Variants in VPS13D observed in about 807,000 individuals in gnomAD.
VPS13D encodes intermembrane lipid transfer protein VPS13D.
Under a neutral mutation model 461.9 loss-of-function variants are expected in VPS13D, and 187 were observed. That is an observed-to-expected ratio of 0.40 (90% CI 0.36 to 0.46). The LOEUF is 0.46. Among genes scored for constraint, VPS13D ranks in the 20% least tolerant of loss-of-function variants. VPS13D has a pLI of 0.60. For missense variants in VPS13D, 4,711 were observed against 5,364.9 expected (o/e 0.88, Z 3.81); for synonymous variants, 1,951 against 1,986.3 (o/e 0.98, Z 0.47).
At chr1:12,247,965 G>A (rs1025961353) in intron 5 of VPS13D, among the ~76,000 whole-genome samples, 2 of 150,744 alleles carry the variant, frequency 1.3e-5, no homozygotes, top group African/African-American at 4.9e-5. Flanking sequence ...CCGGCTCACT[G>A]CAAACTCCGC....
chr1:12,388,432 G>A (rs1199221825), intron 60 of VPS13D, among the ~76,000 whole-genome samples: 2 of 152,054 alleles, frequency 1.3e-5, no homozygotes, highest in African/African-American at 2.4e-5. Context: ...AAATTAGCCA[G>A]GTGTGGTGGC....
intron 16 of VPS13D, among the ~76,000 whole-genome samples, chr1:12,269,454 A>G (rs72864994): frequency 0.066 from 10,098 of 152,282 alleles, 547 homozygotes; most frequent in Admixed American, 0.14. Context: ...ACTGAAAAGC[A>G]ATGATCTCCA....
chr1:12,474,363 T>C (rs1031067189), intron 67 of VPS13D, among the ~76,000 whole-genome samples: 1 of 152,072 alleles, frequency 6.6e-6, no homozygotes, highest in African/African-American at 2.4e-5. Context: ...TATTTAAGGG[T>C]TTTAAATTGT....
intron 10 of VPS13D, among the ~76,000 whole-genome samples, chr1:12,258,693 C>T (rs767883669): frequency 2.0e-5 from 3 of 152,184 alleles, no homozygotes; most frequent in African/African-American, 4.8e-5. Flanking sequence ...TTGGGGATTG[C>T]TTTGCTTCTT....
Position 12,277,460 on chromosome 1 carries a change from T to C in VPS13D, c.3872T>C (p.Leu1291Ser). The C allele has an allele frequency of 2.5e-6, 4 of 1,614,182 alleles. No individual in the cohort carries two copies. The highest frequency in any genetic ancestry group is 1.7e-5 in the Admixed American group (1 of 60,018). ...ECFLNLKMAS[L>S]HYNHSAKFLK... Reference sequence around the variant, plus strand: ...TTTCTCAACCTGAAGATGGCTTCTTTACATTATAACCACTCTGCTAAGTTT... The same window carrying C: ...TTTCTCAACCTGAAGATGGCTTCTTCACATTATAACCACTCTGCTAAGTTT... Residue 1291 changes from leucine to serine, a missense_variant, in exon 19 of 70, where the codon TTA (leucine) becomes TCA (serine). By Grantham distance (145) the Leu-to-Ser change is moderately radical (BLOSUM62 -2). Around this residue, in one of 3 missense-constraint regions of VPS13D, gnomAD observed 4,411 missense variants for 4,937.8 expected, o/e 0.89. Transcript: ENST00000620676.
rs1187657912 is a variant in VPS13D, at chr1:12,463,075, AAAC to A, written c.12662+2691_12662+2693del. 1.7e-3 allele frequency among the ~76,000 whole-genome samples: 263 copies of A among 152,290 alleles called. 1 individual carries two copies. Among genetic ancestry groups the A allele is most frequent in the Non-Finnish European group, 2.8e-3 (192 of 68,016 alleles). Reference sequence around the variant, plus strand: ...GGCTGCAGAAAAAAAGGAAAAAAAAAAACAACAACAACAAAGTTTAACTGCAAG... The same window carrying A: ...GGCTGCAGAAAAAAAGGAAAAAAAAAAACAACAACAAAGTTTAACTGCAAG... On this transcript the variant is annotated intron_variant, in intron 67 of 69. Coordinates refer to ENST00000620676, the MANE Select transcript of VPS13D (RefSeq NM_015378.4).
intron 67 of VPS13D, among the ~76,000 whole-genome samples, chr1:12,472,805 C>T (rs1422465918): frequency 1.3e-5 from 2 of 152,144 alleles, no homozygotes; most frequent in Non-Finnish European, 2.9e-5. Context: ...TTTATGAAAC[C>T]CATATCCATT....
chr1:12,483,371 C>T (rs1277217484), intron 67 of VPS13D, among the ~76,000 whole-genome samples: 1 of 152,198 alleles, frequency 6.6e-6, no homozygotes, highest in African/African-American at 2.4e-5. Context: ...GTTGAAACAT[C>T]TTTTCGTGTT....
intron 42 of VPS13D, chr1:12,345,109 G>T (rs555385880): frequency 9.3e-6 from 3 of 321,250 alleles, no homozygotes; most frequent in Non-Finnish European, 1.7e-5. Flanking sequence ...ACCTTGGCTC[G>T]TGTTTAGGTT....
chr1:12,353,871 C>T lies in VPS13D; in HGVS notation c.9432-103C>T, dbSNP rs1643863713. ...ATTGAAAACTGCAAATAATTTTACT[C>T]ATTGAACCATCTTAATGTTATTCTT... On this transcript the variant is annotated intron_variant, in intron 46 of 69. Coordinates refer to ENST00000620676, the MANE Select transcript of VPS13D (RefSeq NM_015378.4). The T allele has an allele frequency of 3.0e-5, 36 of 1,196,980 alleles. No homozygotes were observed. The South Asian group carries it at 5.1e-4, about 17-fold the overall frequency. The allele number at this position is 1,196,980 out of a possible 1,614,324, so 74.1% of individuals were successfully genotyped here. A position where few individuals can be genotyped will look rare whatever the true frequency, so the allele number is the denominator to read the frequency against.
At chr1:12,264,850 C>T (rs1641218898) in intron 13 of VPS13D, among the ~76,000 whole-genome samples, 3 of 152,154 alleles carry the variant, frequency 2.0e-5, no homozygotes. Context: ...AAGAAAATGC[C>T]ATCTAGGACT....
At chr1:12,500,486 G>A (rs1439361064) in intron 68 of VPS13D, among the ~76,000 whole-genome samples, 7 of 151,352 alleles carry the variant, frequency 4.6e-5, no homozygotes, top group East Asian at 2.0e-4. Context: ...CACCTATAAC[G>A]GTGCACACCA....
At chr1:12,321,733 T>C in intron 32 of VPS13D, 76 bp from the exon 33 acceptor site, 1 of 1,474,854 alleles carries the variant, frequency 6.8e-7, no homozygotes, top group Non-Finnish European at 9.1e-7. Flanking sequence ...GCTTCTGAGA[T>C]AGCCTCTTTG....
chr1:12,452,840 T>C (rs1054719768), intron 65 of VPS13D, among the ~76,000 whole-genome samples: 1 of 152,244 alleles, frequency 6.6e-6, no homozygotes, highest in Non-Finnish European at 1.5e-5. Flanking sequence ...AAAGCTGTAT[T>C]TCTAGGGGTG....
rs751848421 is a variant in VPS13D at position 12,282,806 on chromosome 1, C to A, written c.4704C>A (p.Ser1568=). The A allele has an allele frequency of 6.2e-7, 1 of 1,614,142 alleles. No individual in the cohort carries two copies. Among genetic ancestry groups the A allele is most frequent in the Non-Finnish European group, 8.5e-7 (1 of 1,180,020 alleles). The change falls in exon 21 of 70, where the codon TCC becomes TCA. Residue 1568 remains serine, a synonymous_variant. Transcript: ENST00000620676. ...AGTATCCAGCCAGTGCTACCTCCTC[C>A]CCTTGCCCTGATTCTCCTCTGCCTC... ...LNKYPASATS[S]PCPDSPLPPL... is the part of the protein sequence containing the mutation.
intron 50 of VPS13D, among the ~76,000 whole-genome samples, chr1:12,361,403 A>ATTTATTTAT (rs1553183518): frequency 5.2e-5 from 7 of 134,006 alleles, no homozygotes; most frequent in African/African-American, 2.0e-4. Flanking sequence ...TTATTTATTT[A>ATTTATTTAT]TTTTTTTTTT....
intron 52 of VPS13D, 132 bp from the exon 53 acceptor site, chr1:12,368,336 C>A (rs1285146000): frequency 3.8e-6 from 4 of 1,052,562 alleles, no homozygotes; most frequent in Non-Finnish European, 5.3e-6. Context: ...GAGGAACACA[C>A]AGTGGGCTGT....
chr1:12,310,066 C>T (rs1642689775), intron 27 of VPS13D, among the ~76,000 whole-genome samples: 1 of 151,522 alleles, frequency 6.6e-6, no homozygotes, highest in South Asian at 2.1e-4. Context: ...AAATTGAACA[C>T]TTTGTTTTCT....
chr1:12,489,468 A>G (rs541311860), intron 67 of VPS13D, among the ~76,000 whole-genome samples: 4 of 152,328 alleles, frequency 2.6e-5, no homozygotes, highest in South Asian at 4.1e-4. Flanking sequence ...TACATTTTCA[A>G]TGGCAATAGT....
Sources: allele counts gnomAD v4.1 joint callset (sites outside exome capture counted in the v4.1 genomes callset), GRCh38; gene constraint gnomAD v4.1.1; regional missense constraint gnomAD v4.1.1; transcripts MANE v1.5; gene names NCBI Gene and HGNC (gene_info 2026-07-23, HGNC 2026-07-21).